Variants in ARHGEF3 observed in about 807,000 individuals in gnomAD.
The protein encoded by ARHGEF3 is Rho guanine nucleotide exchange factor 3.
In ARHGEF3, 28 loss-of-function variants were observed where a neutral mutation model predicts 63.2. The observed-to-expected ratio is 0.44, with a 90% confidence interval of 0.33 to 0.61. ARHGEF3 has a LOEUF of 0.61. Ranked by LOEUF, ARHGEF3 falls within the 20% of genes least tolerant of loss-of-function variation. The pLI is 0.03. For missense variants in ARHGEF3, 533 were observed against 659.3 expected (o/e 0.81, Z 2.10); for synonymous variants, 266 against 254.2 (o/e 1.05, Z -0.44).
intron 7 of ARHGEF3, among the ~76,000 whole-genome samples, chr3:56,743,385 A>G (rs1039640152): frequency 1.3e-5 from 2 of 152,206 alleles, no homozygotes; most frequent in Non-Finnish European, 2.9e-5. Flanking sequence ...TTCTGCATCA[A>G]GGTATAGAAT....
chr3:56,856,535 C>A (rs1428129485), intron 4 of ARHGEF3, among the ~76,000 whole-genome samples: 2 of 151,516 alleles, frequency 1.3e-5, no homozygotes, highest in African/African-American at 2.4e-5. Flanking sequence ...CTCCTTGGGT[C>A]CCCCTCCCCC....
intron 4 of ARHGEF3, among the ~76,000 whole-genome samples, chr3:56,853,199 T>C (rs1424045278): frequency 2.6e-5 from 4 of 152,108 alleles, no homozygotes; most frequent in Non-Finnish European, 1.5e-5. Flanking sequence ...TAAAGAAAAA[T>C]CTGGGGTGGT....
chr3:56,730,659 G>A (rs1452044285), intron 9 of ARHGEF3, among the ~76,000 whole-genome samples: 2 of 152,136 alleles, frequency 1.3e-5, no homozygotes, highest in Non-Finnish European at 2.9e-5. Context: ...GGGACTATAG[G>A]CGTGAGCCAC....
intron 3 of ARHGEF3, among the ~76,000 whole-genome samples, chr3:56,952,350 A>G (rs1431912014): frequency 6.6e-6 from 1 of 152,166 alleles, no homozygotes; most frequent in Non-Finnish European, 1.5e-5. Context: ...TTCTTCCAAC[A>G]GCCCAAATGA....
chr3:56,918,871 C>CAAACCACACA (rs2042053537), intron 3 of ARHGEF3, among the ~76,000 whole-genome samples: 1 of 152,158 alleles, frequency 6.6e-6, no homozygotes, highest in African/African-American at 2.4e-5. Context: ...GTCACACATT[C>CAAACCACACA]GAACCACACA....
intron 4 of ARHGEF3, among the ~76,000 whole-genome samples, chr3:56,853,628 C>T (rs774631212): frequency 5.9e-5 from 9 of 152,206 alleles, no homozygotes; most frequent in Admixed American, 5.9e-4. Flanking sequence ...AGTCACCATG[C>T]CCGGCTCAAT....
chr3:56,757,548 A>T (rs1163486948), intron 2 of ARHGEF3, among the ~76,000 whole-genome samples: 4 of 152,216 alleles, frequency 2.6e-5, no homozygotes, highest in Non-Finnish European at 4.4e-5. Flanking sequence ...TTTAAAATGT[A>T]AACACCCCTT....
chr3:56,744,780 C>G (rs973323181), intron 7 of ARHGEF3, among the ~76,000 whole-genome samples: 1 of 152,074 alleles, frequency 6.6e-6, no homozygotes, highest in African/African-American at 2.4e-5. Context: ...CCACTGTAAT[C>G]GGGGGCTAAA....
intron 4 of ARHGEF3, among the ~76,000 whole-genome samples, chr3:56,835,094 A>G (rs765403782): frequency 6.6e-6 from 1 of 152,176 alleles, no homozygotes; most frequent in Non-Finnish European, 1.5e-5. Flanking sequence ...TTATTACCTA[A>G]AAGTATTCTA....
At chr3:57,037,639 C>T (rs975339733) in intron 1 of ARHGEF3, among the ~76,000 whole-genome samples, 44 of 152,222 alleles carry the variant, frequency 2.9e-4, no homozygotes, top group African/African-American at 1.0e-3. Flanking sequence ...CTTTGGGAGG[C>T]CGAGGCAGGC....
At chr3:56,774,915 AAC>A in intron 1 of ARHGEF3, 1 of 1,155,788 alleles carries the variant, frequency 8.7e-7, no homozygotes, top group Admixed American at 3.7e-5. Context: ...ACAAACAAAC[AAC>A]AACAACAACA....
chr3:56,945,996 T>C lies in ARHGEF3; in HGVS notation c.129+12827A>G, dbSNP rs529839708. ...AATATCTGCTGTTCTGCAGCCTCCA[T>C]TGCTGATACCCAGGCAAACAGGGTC... On this transcript the variant is annotated intron_variant, in intron 3 of 12. Transcript: ENST00000338458. Among the ~76,000 whole-genome samples, 4 of 152,270 alleles carry C rather than the reference T, an allele frequency of 2.6e-5. No homozygotes were observed. In the East Asian group the frequency reaches 5.8e-4, roughly 22 times the overall value.
intron 1 of ARHGEF3, among the ~76,000 whole-genome samples, chr3:57,047,054 A>G (rs1327710691): frequency 3.3e-5 from 5 of 152,228 alleles, no homozygotes; most frequent in African/African-American, 1.2e-4. Flanking sequence ...GGGTTCCAAA[A>G]TTAGACTACT....
In ARHGEF3 at chr3:56,982,873, C is replaced by A. The variant is rs553509021; in HGVS notation, c.63-23984G>T. On this transcript the variant is annotated intron_variant, in intron 2 of 12. Coordinates refer to the ARHGEF3 transcript ENST00000338458. ...ACCGAGCAAACACTCCAGCAGCCAG[C>A]CCCGCAGTCCAGGCAACCTGACCGT... 3.3e-5 allele frequency among the ~76,000 whole-genome samples: 5 copies of A among 152,158 alleles called. No homozygotes were observed. In the East Asian group the frequency reaches 5.8e-4, roughly 18 times the overall value.
At chr3:56,800,247 C>T (rs1277532412) in intron 1 of ARHGEF3, among the ~76,000 whole-genome samples, 1 of 152,142 alleles carries the variant, frequency 6.6e-6, no homozygotes, top group East Asian at 1.9e-4. Flanking sequence ...ATTGGTTATG[C>T]CTTTCTTCCT....
intron 3 of ARHGEF3, chr3:56,916,200 G>C: frequency 7.3e-7 from 1 of 1,378,832 alleles, no homozygotes; most frequent in Non-Finnish European, 9.6e-7. Flanking sequence ...TTCTTGGAAG[G>C]TAAAGAGAAC....
intron 1 of ARHGEF3, among the ~76,000 whole-genome samples, chr3:57,068,222 A>G (rs546472902): frequency 5.3e-5 from 8 of 152,142 alleles, no homozygotes; most frequent in African/African-American, 1.7e-4. Flanking sequence ...ATGTTTTACA[A>G]TAGGTCACAG....
chr3:57,072,117 TAAC>T (rs142288086), intron 1 of ARHGEF3, among the ~76,000 whole-genome samples: 14,442 of 152,130 alleles, frequency 0.095, 903 homozygotes, highest in East Asian at 0.35. Flanking sequence ...AGATGGATAA[TAAC>T]AAGAGTTGAT....
intron 4 of ARHGEF3, among the ~76,000 whole-genome samples, chr3:56,836,307 C>A (rs1256271049): frequency 6.6e-6 from 1 of 152,148 alleles, no homozygotes; most frequent in African/African-American, 2.4e-5. Context: ...TTTCTTTGTG[C>A]ACAGAAATGC....
Sources: allele counts gnomAD v4.1 joint callset (sites outside exome capture counted in the v4.1 genomes callset), GRCh38; gene constraint gnomAD v4.1.1; transcripts MANE v1.5; gene names NCBI Gene and HGNC (gene_info 2026-07-23, HGNC 2026-07-21).